The following RAPGEF5 variants were observed in gnomAD, a reference collection of about 807,000 sequenced individuals.
The protein encoded by RAPGEF5 is M-Ras-regulated GEF.
A neutral mutation model predicts 125.2 loss-of-function variants in RAPGEF5; 65 were observed. The observed-to-expected ratio is 0.52, with a 90% CI of 0.43 to 0.64. RAPGEF5 has a LOEUF of 0.64. RAPGEF5 is among the 30% of genes least tolerant of loss of function. RAPGEF5 has a pLI of 0.00. For synonymous variants in RAPGEF5, 391 were observed against 385.9 expected (o/e 1.01, Z -0.16); for missense variants, 958 against 1,048.1 (o/e 0.91, Z 1.19).
At chr7:22,261,329 TATAAAATTTAGGCTGGGTGCAGG>T (rs1782150649) in intron 7 of RAPGEF5, among the ~76,000 whole-genome samples, 1 of 152,006 alleles carries the variant, frequency 6.6e-6, no homozygotes, top group African/African-American at 2.4e-5. Context: ...ATATTACTGA[TATAAAATTTAGGCTGGGTGCAGG>T]AAGCCAAGGT....
chr7:22,260,277 T>C (rs1391988483), intron 7 of RAPGEF5, among the ~76,000 whole-genome samples: 1 of 152,036 alleles, frequency 6.6e-6, no homozygotes, highest in East Asian at 1.9e-4. Context: ...ACTATGGACT[T>C]TGGGTGATAA....
chr7:22,180,189 A>C (rs1784631757), intron 11 of RAPGEF5, among the ~76,000 whole-genome samples: 1 of 152,218 alleles, frequency 6.6e-6, no homozygotes, highest in Non-Finnish European at 1.5e-5. Flanking sequence ...TTGGGTCTAC[A>C]ATATCAAAAC....
chr7:22,305,887 T>C (rs1157649778), intron 5 of RAPGEF5, among the ~76,000 whole-genome samples: 1 of 152,240 alleles, frequency 6.6e-6, no homozygotes, highest in Admixed American at 6.5e-5. Flanking sequence ...CTATCTCTCA[T>C]TCTTTTTTAT....
chr7:22,290,615 G>A (rs1420645833), intron 6 of RAPGEF5, among the ~76,000 whole-genome samples: 4 of 151,110 alleles, frequency 2.6e-5, no homozygotes, highest in African/African-American at 9.7e-5. Context: ...CGTAGTGGCG[G>A]GCGCCTGTAG....
intron 7 of RAPGEF5, among the ~76,000 whole-genome samples, chr7:22,241,780 A>G (rs1786338058): frequency 6.6e-6 from 1 of 152,190 alleles, no homozygotes; most frequent in South Asian, 2.1e-4. Flanking sequence ...CCACTGGGGT[A>G]GAGTGGAAGA....
intron 7 of RAPGEF5, among the ~76,000 whole-genome samples, chr7:22,243,708 G>A (rs896383702): frequency 6.6e-6 from 1 of 152,178 alleles, no homozygotes; most frequent in African/African-American, 2.4e-5. Context: ...GAATGACTAT[G>A]TATACATTGT....
intron 7 of RAPGEF5, among the ~76,000 whole-genome samples, chr7:22,239,388 T>C (rs1435652623): frequency 6.6e-6 from 1 of 152,168 alleles, no homozygotes; most frequent in East Asian, 1.9e-4. Flanking sequence ...GTGCTGTATG[T>C]TCGGGAAAGC....
chr7:22,259,322 C>T (rs1172469486), intron 7 of RAPGEF5, among the ~76,000 whole-genome samples: 4 of 152,194 alleles, frequency 2.6e-5, no homozygotes, highest in African/African-American at 9.7e-5. Context: ...AAAGGGCCTA[C>T]TAGAATGGCC....
At chr7:22,177,498 AAAGT>A (rs1340476234) in intron 11 of RAPGEF5, among the ~76,000 whole-genome samples, 2 of 152,252 alleles carry the variant, frequency 1.3e-5, no homozygotes, top group Non-Finnish European at 2.9e-5. Flanking sequence ...GCAAGGAGAA[AAAGT>A]AAGGGAGGAA....
In RAPGEF5 at chr7:22,125,637, G is replaced by A; in HGVS notation, c.2503C>T (p.Arg835Ter). The A allele has an allele frequency of 1.9e-6, 3 of 1,612,086 alleles. No homozygotes were observed. Among genetic ancestry groups the A allele is most frequent in the Non-Finnish European group, 1.7e-6 (2 of 1,178,310 alleles). Reference sequence around the variant, plus strand: ...TTAGTCCTGCAGTGTCTCAGGGTTCGGACAGTGTCTGCGATCATATGCTGT... The same window carrying A: ...TTAGTCCTGCAGTGTCTCAGGGTTCAGACAGTGTCTGCGATCATATGCTGT... ...EKLHMIADTV[R>*]TLRHCRTNQF... Residue 835 changes from arginine (R) to a stop codon, truncating the protein, a stop_gained, in exon 25 of 26, where the codon CGA becomes TGA. Coordinates refer to ENST00000665637, the MANE Select transcript of RAPGEF5 (RefSeq NM_012294.5). LOFTEE classifies it high-confidence loss of function.
chr7:22,330,836 C>T (rs1190017660), intron 1 of RAPGEF5, among the ~76,000 whole-genome samples: 1 of 152,180 alleles, frequency 6.6e-6, no homozygotes, highest in African/African-American at 2.4e-5. Context: ...GGCACATGGT[C>T]AATGTCGTTT....
chr7:22,294,286 C>T (rs1405765772), intron 5 of RAPGEF5, among the ~76,000 whole-genome samples: 3 of 152,162 alleles, frequency 2.0e-5, no homozygotes, highest in African/African-American at 7.2e-5. Context: ...AGATCCCTCC[C>T]TGAGGGTTTA....
chr7:22,193,633 TC>T lies in RAPGEF5; in HGVS notation c.1116-179del, dbSNP rs879018697. The T allele has an allele frequency of 5.2e-6, 8 of 1,550,532 alleles. No homozygotes were observed. The South Asian group carries it at 8.3e-5, about 16-fold the overall frequency. On this transcript the variant is annotated intron_variant, in intron 10 of 25. Transcript: ENST00000665637. Reference sequence around the variant, plus strand: ...GGAATCTTTCCTCTCCAAATGAGGGTCAAAGACCCTCAGCCGGGAGCTGCCC... The same window carrying T: ...GGAATCTTTCCTCTCCAAATGAGGGTAAAGACCCTCAGCCGGGAGCTGCCC...
intron 9 of RAPGEF5, among the ~76,000 whole-genome samples, chr7:22,201,326 A>G (rs755848697): frequency 6.6e-6 from 1 of 152,252 alleles, no homozygotes; most frequent in Non-Finnish European, 1.5e-5. Flanking sequence ...GCAGGAGGAC[A>G]ATAAATCCAG....
chr7:22,290,809 C>T (rs1051661708), intron 6 of RAPGEF5, among the ~76,000 whole-genome samples: 5 of 151,786 alleles, frequency 3.3e-5, no homozygotes, highest in Admixed American at 1.3e-4. Context: ...ACTAGTGACC[C>T]GGCCTTTTTT....
chr7:22,166,903 CCT>C (rs1784184416), intron 12 of RAPGEF5, among the ~76,000 whole-genome samples, 165 bp downstream of exon 12: 1 of 152,182 alleles, frequency 6.6e-6, no homozygotes, highest in Non-Finnish European at 1.5e-5. Flanking sequence ...TCCAGTTTCC[CCT>C]GTCTGTCTCA....
chr7:22,156,774 GC>G (rs769853794), intron 16 of RAPGEF5, 35 bp downstream of exon 16: 4 of 1,611,294 alleles, frequency 2.5e-6, no homozygotes, highest in Non-Finnish European at 3.4e-6. Context: ...GCTAACTGCT[GC>G]CCACCCCCAA....
chr7:22,178,319 ACT>A (rs1784572418), intron 11 of RAPGEF5, among the ~76,000 whole-genome samples: 1 of 152,142 alleles, frequency 6.6e-6, no homozygotes, highest in Non-Finnish European at 1.5e-5. Context: ...CCATTTTTCT[ACT>A]CTCAACACAT....
chr7:22,258,387 G>A (rs993456024), intron 7 of RAPGEF5, among the ~76,000 whole-genome samples: 15 of 152,068 alleles, frequency 9.9e-5, no homozygotes, highest in Non-Finnish European at 2.1e-4. Context: ...TTGGGAGGCC[G>A]AGGCAGGCAA....
Sources: allele counts gnomAD v4.1 joint callset (sites outside exome capture counted in the v4.1 genomes callset), GRCh38; gene constraint gnomAD v4.1.1; transcripts MANE v1.5; gene names NCBI Gene and HGNC (gene_info 2026-07-23, HGNC 2026-07-21).